GLRX3: variants seen among roughly 807,000 people sequenced by gnomAD.
GLRX3 encodes glutaredoxin 3.
In GLRX3, 22 loss-of-function variants were observed where a neutral mutation model predicts 49.5. The observed-to-expected ratio is 0.44, with a 90% confidence interval of 0.32 to 0.63. The LOEUF (loss-of-function observed/expected upper bound fraction) is 0.63. GLRX3 is among the 30% of genes least tolerant of loss of function. The probability of loss-of-function intolerance (pLI) is 0.05; values close to 1 mark genes in which losing one functional copy is unlikely to be tolerated. For missense variants in GLRX3, 385 were observed against 396.3 expected (o/e 0.97, Z 0.24); for synonymous variants, 133 against 140.0 (o/e 0.95, Z 0.35).
chr10:130,137,254 G>T (rs1316833761), intron 1 of GLRX3, among the ~76,000 whole-genome samples: 2 of 152,224 alleles, frequency 1.3e-5, no homozygotes, highest in African/African-American at 4.8e-5. Flanking sequence ...TACAAAAGGA[G>T]ATCCAGAGGA....
In GLRX3 at chr10:130,166,503, A is replaced by G. The variant is rs776185901; in HGVS notation, c.479-4A>G. 8 of 1,609,820 alleles carry G rather than the reference A, an allele frequency of 5.0e-6. No homozygotes were observed. The highest frequency in any genetic ancestry group is 5.9e-6 in the Non-Finnish European group (7 of 1,176,636). On this transcript the variant is annotated splice_polypyrimidine_tract_variant and splice_region_variant and intron_variant, in intron 4 of 10. Coordinates refer to ENST00000331244, the MANE Select transcript of GLRX3 (RefSeq NM_006541.5). ...AAGTGCTTTATTTCTTTTTTTGTGT[A>G]CAGGTTTCAGCAAGCAGATGGTGGA...
intron 10 of GLRX3, among the ~76,000 whole-genome samples, chr10:130,175,846 C>T (rs1439664130): frequency 6.6e-6 from 1 of 152,222 alleles, no homozygotes; most frequent in Non-Finnish European, 1.5e-5. Flanking sequence ...CCCCACTGCA[C>T]CCCAGGCCCA....
At chr10:130,149,419 G>A (rs1226265213) in intron 2 of GLRX3, among the ~76,000 whole-genome samples, 4 of 150,590 alleles carry the variant, frequency 2.7e-5, no homozygotes, top group East Asian at 3.9e-4. Context: ...TCCGGCCTGC[G>A]TGACAGAGCA....
chr10:130,167,993 T>G (rs1432644680), intron 6 of GLRX3, among the ~76,000 whole-genome samples: 1 of 152,162 alleles, frequency 6.6e-6, no homozygotes, highest in Non-Finnish European at 1.5e-5. Context: ...ACAGCTGTGT[T>G]TTTTATATGC....
chr10:130,149,267 C>T (rs1339737973), intron 2 of GLRX3, among the ~76,000 whole-genome samples: 2 of 151,914 alleles, frequency 1.3e-5, no homozygotes, highest in African/African-American at 4.8e-5. Flanking sequence ...CATGGTGAAA[C>T]CCTGTCTCCA....
intron 2 of GLRX3, among the ~76,000 whole-genome samples, chr10:130,152,562 T>A (rs1011678754): frequency 1.3e-5 from 2 of 152,222 alleles, no homozygotes; most frequent in Non-Finnish European, 2.9e-5. Context: ...CCTTCACTTA[T>A]GAAGCTTAGT....
chr10:130,163,870 G>A (rs1447265706), intron 4 of GLRX3, among the ~76,000 whole-genome samples: 3 of 152,160 alleles, frequency 2.0e-5, no homozygotes, highest in African/African-American at 7.2e-5. Flanking sequence ...CACGCACGTG[G>A]CTGCTCTTTC....
intron 10 of GLRX3, among the ~76,000 whole-genome samples, chr10:130,176,011 G>T (rs1457259385): frequency 6.6e-6 from 1 of 152,014 alleles, no homozygotes; most frequent in Non-Finnish European, 1.5e-5. Flanking sequence ...CCTTCCTCTT[G>T]CCTCAATCCA....
chr10:130,172,186 C>T (rs1862823968), intron 8 of GLRX3, among the ~76,000 whole-genome samples: 1 of 152,110 alleles, frequency 6.6e-6, no homozygotes, highest in Admixed American at 6.5e-5. Context: ...TGTCTACTTT[C>T]CCAGAGGAAA....
At chr10:130,164,778 A>T (rs964329217) in intron 4 of GLRX3, among the ~76,000 whole-genome samples, 2 of 152,216 alleles carry the variant, frequency 1.3e-5, no homozygotes, top group African/African-American at 4.8e-5. Context: ...TCTGCATGTA[A>T]TTGCCTAAAG....
intron 2 of GLRX3, among the ~76,000 whole-genome samples, chr10:130,146,064 A>G (rs527860230): frequency 6.6e-6 from 1 of 152,222 alleles, no homozygotes; most frequent in South Asian, 2.1e-4. Context: ...AAGTACTGTG[A>G]TTAGGCGTGA....
At chr10:130,148,105 T>C (rs1021853927) in intron 2 of GLRX3, among the ~76,000 whole-genome samples, 9 of 152,136 alleles carry the variant, frequency 5.9e-5, no homozygotes, top group African/African-American at 2.2e-4. Flanking sequence ...TATGAACTAA[T>C]GTTCTTCTGC....
chr10:130,163,644 A>G (rs1446899408), intron 4 of GLRX3, among the ~76,000 whole-genome samples: 1 of 152,304 alleles, frequency 6.6e-6, no homozygotes, highest in Admixed American at 6.5e-5. Context: ...TAAATAGATC[A>G]TTTAAGAATG....
chr10:130,165,637 G>A (rs1427217462), intron 4 of GLRX3, among the ~76,000 whole-genome samples: 4 of 152,194 alleles, frequency 2.6e-5, no homozygotes, highest in Non-Finnish European at 5.9e-5. Flanking sequence ...AATGTACTGT[G>A]TGTATTTTAG....
chr10:130,159,928 G>C, intron 2 of GLRX3, 67 bp from the exon 3 acceptor site: 1 of 1,283,770 alleles, frequency 7.8e-7, no homozygotes. Flanking sequence ...ATGTGAAACT[G>C]ATTTACATAT....
intron 2 of GLRX3, among the ~76,000 whole-genome samples, chr10:130,153,683 G>A (rs1473743119): frequency 4.6e-5 from 7 of 152,188 alleles, no homozygotes; most frequent in East Asian, 1.9e-4. Flanking sequence ...TCGTTCCAGC[G>A]GGGCACCTGT....
At chr10:130,165,811 T>C (rs768795524) in intron 4 of GLRX3, among the ~76,000 whole-genome samples, 3 of 152,160 alleles carry the variant, frequency 2.0e-5, no homozygotes, top group Non-Finnish European at 2.9e-5. Flanking sequence ...AAATAACAAT[T>C]GTAGAATTTT....
At chr10:130,163,150 C>T (rs906439569) in intron 4 of GLRX3, among the ~76,000 whole-genome samples, 3 of 152,086 alleles carry the variant, frequency 2.0e-5, no homozygotes, top group Non-Finnish European at 4.4e-5. Flanking sequence ...CAGGGCTGGG[C>T]GTGGTGGCTC....
At position 130,136,441 on chromosome 10, in the gene GLRX3, G is replaced by T. The variant is rs767712094; in HGVS notation, c.21G>T (p.Glu7Asp). MAAGAA[E>D]AAVAAVEEVG... ...GCAGCATGGCGGCGGGGGCGGCTGA[G>T]GCAGCTGTAGCGGCCGTGGAGGAGG... Residue 7 changes from glutamate to aspartate, a missense_variant, in exon 1 of 11, where the codon GAG (glutamate) becomes GAT (aspartate). Physicochemically the swap from Glu to Asp is conservative, Grantham distance 45. Around this residue, in one of 2 missense-constraint regions of GLRX3, gnomAD observed 374 missense variants for 358.6 expected, o/e 1.04. Coordinates refer to ENST00000331244, the MANE Select transcript of GLRX3 (RefSeq NM_006541.5). 2 of 1,258,758 alleles carry T rather than the reference G, an allele frequency of 1.6e-6. No homozygotes were observed. Among genetic ancestry groups the T allele is most frequent in the Non-Finnish European group, 1.0e-6 (1 of 995,844 alleles). The allele number at this position is 1,258,758 out of a possible 1,614,324, so 78.0% of individuals were successfully genotyped here. A position where few individuals can be genotyped will look rare whatever the true frequency, so the allele number is the denominator to read the frequency against.
Sources: gnomAD v4.1 joint callset for allele counts (sites outside exome capture counted in the v4.1 genomes callset) on GRCh38, gnomAD v4.1.1 for gene constraint, gnomAD v4.1.1 regional missense constraint, MANE v1.5 for transcripts, NCBI Gene and HGNC (gene_info 2026-07-23, HGNC 2026-07-21) for gene names.